USH2A: variants seen among roughly 807,000 people sequenced by gnomAD.
USH2A encodes the protein Usher syndrome 2A (autosomal recessive, mild).
Under a neutral mutation model 538.9 loss-of-function variants are expected in USH2A, and 443 were observed. The ratio of observed to expected loss-of-function variants is 0.82; its 90% CI spans 0.76 to 0.89. The LOEUF (loss-of-function observed/expected upper bound fraction) is 0.89. USH2A is among the 40% of genes least tolerant of loss of function. The pLI is 0.00. For synonymous variants in USH2A, 2,413 were observed against 2,273.5 expected (o/e 1.06, Z -1.75); for missense variants, 6,633 against 6,324.8 (o/e 1.05, Z -1.65).
At chr1:215,754,756 G>A (rs148698692) in intron 58 of USH2A, among the ~76,000 whole-genome samples, 9 of 152,282 alleles carry the variant, frequency 5.9e-5, no homozygotes, top group Non-Finnish European at 1.3e-4. Flanking sequence ...CTTTAGGTTG[G>A]ATAAGCTTGC....
At chr1:216,325,627 G>A (rs1017999983) in intron 5 of USH2A, 28 bp from the exon 6 acceptor site, 2 of 1,606,676 alleles carry the variant, frequency 1.2e-6, no homozygotes, top group Non-Finnish European at 8.5e-7. Context: ...GAGACTGTAA[G>A]GACAAAGAGC....
At chr1:216,108,404 C>CA (rs1553302673) in intron 21 of USH2A, among the ~76,000 whole-genome samples, 2 of 148,060 alleles carry the variant, frequency 1.4e-5, no homozygotes, top group Non-Finnish European at 3.0e-5. Flanking sequence ...TTTCCATAAT[C>CA]TTTTTTTTTT....
chr1:216,308,497 G>A (rs1030348508), intron 9 of USH2A, among the ~76,000 whole-genome samples: 1 of 151,958 alleles, frequency 6.6e-6, no homozygotes, highest in Non-Finnish European at 1.5e-5. Context: ...GGCTTCTTCT[G>A]TGAATTACTT....
chr1:216,258,510 C>T (rs1456601523), intron 11 of USH2A, among the ~76,000 whole-genome samples: 2 of 151,768 alleles, frequency 1.3e-5, no homozygotes, highest in African/African-American at 2.4e-5. Flanking sequence ...TCTCTGTGTT[C>T]CTCTATCTGC....
intron 64 of USH2A, among the ~76,000 whole-genome samples, chr1:215,661,895 G>C (rs1418838039): frequency 1.3e-5 from 2 of 151,910 alleles, no homozygotes; most frequent in African/African-American, 4.8e-5. Context: ...TTCCTCCCTG[G>C]GTCTGTTTTG....
chr1:215,752,158 G>A (rs1029907920), intron 58 of USH2A, among the ~76,000 whole-genome samples: 3 of 152,084 alleles, frequency 2.0e-5, no homozygotes, highest in Non-Finnish European at 4.4e-5. Flanking sequence ...ATGACTTTAA[G>A]AGAAAATCAA....
At chr1:216,291,559 A>G (rs2037002702) in intron 10 of USH2A, among the ~76,000 whole-genome samples, 1 of 152,206 alleles carries the variant, frequency 6.6e-6, no homozygotes, top group African/African-American at 2.4e-5. Flanking sequence ...GCTTAAGAGT[A>G]CCACTTTGAA....
chr1:216,415,390 A>G (rs1278065570), intron 3 of USH2A, among the ~76,000 whole-genome samples: 1 of 152,166 alleles, frequency 6.6e-6, no homozygotes, highest in South Asian at 2.1e-4. Flanking sequence ...TTAAGCAATT[A>G]GTACATTCCT....
chr1:215,629,115 TTGTC>T (rs1257959660), intron 70 of USH2A, 80 bp from the exon 71 acceptor site: 29 of 1,383,026 alleles, frequency 2.1e-5, no homozygotes, highest in African/African-American at 4.3e-5. Context: ...GTCTCACACA[TTGTC>T]AGTGAAGGGA....
intron 9 of USH2A, among the ~76,000 whole-genome samples, chr1:216,315,393 G>A (rs540836880): frequency 3.7e-4 from 56 of 152,110 alleles, no homozygotes; most frequent in Non-Finnish European, 6.9e-4. Flanking sequence ...TTTTGGAACA[G>A]GCAAAACTAA....
In USH2A at chr1:215,674,573, GTTC is replaced by G. The variant is rs775556188; in HGVS notation, c.13335_13337del (p.Glu4445_Asn4446delinsAsp). On this transcript the variant is annotated inframe_deletion, in exon 63 of 72. Coordinates refer to ENST00000307340, the MANE Select transcript of USH2A (RefSeq NM_206933.4). ...TGACTTGCAATGTTGGAGAGTCCAT[GTTC>G]TCTGGCAGGGCCTCCATTGTCCAGG... is the stretch of plus-strand genomic sequence containing the variant. 59 of 1,614,018 alleles carry G rather than the reference GTTC, an allele frequency of 3.7e-5. No individual in the cohort carries two copies. Among genetic ancestry groups the G allele is most frequent in the Non-Finnish European group, 2.9e-5 (34 of 1,180,030 alleles).
chr1:215,822,508 T>C (rs1276466306), intron 47 of USH2A, among the ~76,000 whole-genome samples: 1 of 151,990 alleles, frequency 6.6e-6, no homozygotes, highest in African/African-American at 2.4e-5. Context: ...TCATCAGTTC[T>C]AACAGGTTTT....
intron 44 of USH2A, among the ~76,000 whole-genome samples, chr1:215,865,783 A>G (rs530396114): frequency 1.3e-5 from 2 of 152,336 alleles, no homozygotes; most frequent in East Asian, 3.9e-4. Context: ...GTAAAGATGG[A>G]TTATTTTGTG....
At position 215,934,852 on chromosome 1, in the gene USH2A, ATTAT is replaced by A. The variant is rs1666454649; in HGVS notation, c.7121-61_7121-58del. ...ACATATTTAAGAATTCATTCCTGCT[ATTAT>A]TTGAGTATTTTCTTGAGTTTCTAAA... is the stretch of plus-strand genomic sequence containing the variant. On this transcript the variant is annotated intron_variant, in intron 37 of 71. Coordinates refer to ENST00000307340, the MANE Select transcript of USH2A (RefSeq NM_206933.4). 4 of 1,479,294 alleles carry A rather than the reference ATTAT, an allele frequency of 2.7e-6. No homozygotes were observed. In the African/African-American group the frequency reaches 5.6e-5, roughly 21 times the overall value. 91.6% of individuals were successfully genotyped at this position (1,479,294 alleles called of 1,614,324 possible).
At chr1:215,827,546 A>C (rs1663189503) in intron 47 of USH2A, among the ~76,000 whole-genome samples, 1 of 152,148 alleles carries the variant, frequency 6.6e-6, no homozygotes, top group Non-Finnish European at 1.5e-5. Context: ...TATTCTATTA[A>C]GGTCTCCTTA....
intron 52 of USH2A, among the ~76,000 whole-genome samples, chr1:215,784,251 T>C (rs540937220): frequency 1.3e-5 from 2 of 152,290 alleles, no homozygotes; most frequent in Non-Finnish European, 2.9e-5. Flanking sequence ...AACTTCCACA[T>C]CATTTTATAA....
chr1:216,104,441 C>T (rs1571964131), intron 21 of USH2A, among the ~76,000 whole-genome samples: 1 of 152,072 alleles, frequency 6.6e-6, no homozygotes, highest in Non-Finnish European at 1.5e-5. Context: ...GTATATGCAC[C>T]ACATTTTCTT....
rs573493413 is a variant in USH2A, at chr1:216,176,234, T to A, written c.4397-752A>T. Among the ~76,000 whole-genome samples, 121 of 152,220 alleles carry A rather than the reference T, an allele frequency of 7.9e-4. 1 individual carries two copies. Among genetic ancestry groups the A allele is most frequent in the Middle Eastern group, 3.4e-3 (1 of 294 alleles). ...TGCCAGGGGTAACCTTTATTTATTT[T>A]TTTTTTTAGAGATGGAGTCTCACAT... On this transcript the variant is annotated intron_variant, in intron 20 of 71. Coordinates refer to ENST00000307340, the MANE Select transcript of USH2A (RefSeq NM_206933.4).
rs543036866 is a variant in USH2A, at chr1:216,067,606, C to G, written c.6049+2495G>C. 1.3e-4 allele frequency among the ~76,000 whole-genome samples: 20 copies of G among 151,888 alleles called. No homozygotes were observed. In the South Asian group the frequency reaches 4.2e-3, roughly 32 times the overall value. On this transcript the variant is annotated intron_variant, in intron 30 of 71. Transcript: ENST00000307340. ...GTAGATTAGAGGAGAAATGGATGAC[C>G]TTAACACATATTTTGAAAAATAGAA...
Sources: gnomAD v4.1 joint callset for allele counts (sites outside exome capture counted in the v4.1 genomes callset) on GRCh38, gnomAD v4.1.1 for gene constraint, MANE v1.5 for transcripts, NCBI Gene and HGNC (gene_info 2026-07-23, HGNC 2026-07-21) for gene names.